LRRC8D: variants seen among roughly 807,000 people sequenced by gnomAD.
LRRC8D encodes the protein volume-regulated anion channel subunit LRRC8D.
In LRRC8D, 20 loss-of-function variants were observed where a neutral mutation model predicts 55.8. The ratio of observed to expected loss-of-function variants is 0.36; its 90% CI spans 0.25 to 0.52. The LOEUF is 0.52. LRRC8D is among the 20% of genes least tolerant of loss of function. LRRC8D has a pLI of 0.93. For missense variants in LRRC8D, 651 were observed against 1,030.8 expected (o/e 0.63, Z 5.05); for synonymous variants, 352 against 377.0 (o/e 0.93, Z 0.77).
intron 2 of LRRC8D, among the ~76,000 whole-genome samples, chr1:89,850,497 C>T (rs898845640): frequency 6.6e-6 from 1 of 152,130 alleles, no homozygotes; most frequent in Non-Finnish European, 1.5e-5. Context: ...CATTTAGCTC[C>T]CACTTATAAG....
At chr1:89,884,419 C>T (rs897789983) in intron 2 of LRRC8D, among the ~76,000 whole-genome samples, 1 of 152,190 alleles carries the variant, frequency 6.6e-6, no homozygotes, top group Non-Finnish European at 1.5e-5. Context: ...TATTCACATC[C>T]AGATATCAGA....
intron 1 of LRRC8D, chr1:89,843,411 G>C (rs545333915): frequency 3.0e-6 from 1 of 338,544 alleles, no homozygotes; most frequent in African/African-American, 2.2e-5. Flanking sequence ...GGCTGGCAGC[G>C]AGGCCACCAG....
chr1:89,934,982 T>C lies in LRRC8D; in HGVS notation c.1914T>C (p.Ala638=), dbSNP rs1286141304. 6.2e-7 allele frequency: 1 copy of C among 1,614,024 alleles called. No homozygotes were observed. The highest frequency in any genetic ancestry group is 8.5e-7 in the Non-Finnish European group (1 of 1,180,034). The change falls in exon 3 of 3, where the codon GCT becomes GCC. Residue 638 remains alanine, a synonymous_variant. Transcript: ENST00000337338. The surrounding 1 kb of genome is among the most constrained non-coding windows in gnomAD (Gnocchi z 5.9). The part of the protein sequence containing the change: ...LNSLKKMMNV[A]ELELQNCELE... ...GCCTTAAGAAAATGATGAATGTCGC[T>C]GAGCTGGAACTCCAGAACTGTGAGC...
At chr1:89,834,929 G>GCCTA (rs1249064028) in intron 1 of LRRC8D, among the ~76,000 whole-genome samples, 2 of 152,344 alleles carry the variant, frequency 1.3e-5, no homozygotes, top group African/African-American at 4.8e-5. Context: ...ATTACAGAGG[G>GCCTA]CCTAGAGTGT....
At position 89,858,381 on chromosome 1, in the gene LRRC8D, C is replaced by T. The variant is rs566255464; in HGVS notation, c.-3+14599C>T. Among the ~76,000 whole-genome samples the T allele has an allele frequency of 1.1e-3, 171 of 152,146 alleles. 1 individual carries two copies. Among genetic ancestry groups the T allele is most frequent in the African/African-American group, 3.9e-3 (163 of 41,504 alleles). ...TGATAGCTAATGTGAGGCTGTTGGTCCATCTGGATTTCAGGGAACTCACCT... is the reference window on the plus strand; with the variant it reads ...TGATAGCTAATGTGAGGCTGTTGGTTCATCTGGATTTCAGGGAACTCACCT... On this transcript the variant is annotated intron_variant, in intron 2 of 2. Coordinates refer to ENST00000337338, the MANE Select transcript of LRRC8D (RefSeq NM_001134479.2).
At chr1:89,849,708 G>T (rs531741256) in intron 2 of LRRC8D, among the ~76,000 whole-genome samples, 1 of 151,588 alleles carries the variant, frequency 6.6e-6, no homozygotes, top group Non-Finnish European at 1.5e-5. Flanking sequence ...TTTTCTGTTG[G>T]GTCTCTTGCC....
At chr1:89,843,561 C>T in intron 1 of LRRC8D, 77 bp from the exon 2 acceptor site, 1 of 690,394 alleles carries the variant, frequency 1.4e-6, no homozygotes, top group Non-Finnish European at 2.6e-6. Flanking sequence ...TGCCTCCCCG[C>T]CGCCCTGCAC....
chr1:89,889,930 G>C (rs943826574), intron 2 of LRRC8D, among the ~76,000 whole-genome samples: 2 of 152,078 alleles, frequency 1.3e-5, no homozygotes, highest in African/African-American at 4.8e-5. Flanking sequence ...GCTCATGCCT[G>C]TAATCCCAGC....
At chr1:89,827,414 T>G (rs1177346715) in intron 1 of LRRC8D, among the ~76,000 whole-genome samples, 1 of 152,082 alleles carries the variant, frequency 6.6e-6, no homozygotes, top group Admixed American at 6.5e-5. Context: ...TTCACTGTGT[T>G]TTTTCCCCCA....
chr1:89,928,952 C>G (rs1457697857), intron 2 of LRRC8D, among the ~76,000 whole-genome samples: 1 of 152,182 alleles, frequency 6.6e-6, no homozygotes, highest in African/African-American at 2.4e-5. Flanking sequence ...ATAAAATGCT[C>G]CTCTGCCCAA....
chr1:89,893,837 A>G (rs1433391790), intron 2 of LRRC8D, among the ~76,000 whole-genome samples: 1 of 152,234 alleles, frequency 6.6e-6, no homozygotes. Flanking sequence ...GAGTAATTTA[A>G]TTACCATTTT....
intron 1 of LRRC8D, among the ~76,000 whole-genome samples, chr1:89,840,218 C>T (rs1381594976): frequency 6.9e-6 from 1 of 145,462 alleles, no homozygotes; most frequent in African/African-American, 2.6e-5. Context: ...TGCACACACA[C>T]ACGTGCGCAT....
intron 2 of LRRC8D, among the ~76,000 whole-genome samples, chr1:89,876,400 C>A (rs1344257226): frequency 1.3e-5 from 2 of 152,040 alleles, no homozygotes; most frequent in Non-Finnish European, 2.9e-5. Flanking sequence ...AGATGGGGCC[C>A]AAAAATCTCT....
chr1:89,892,164 A>C (rs554335670), intron 2 of LRRC8D, among the ~76,000 whole-genome samples: 19 of 152,316 alleles, frequency 1.2e-4, no homozygotes, highest in African/African-American at 4.6e-4. Context: ...ACAATGATAA[A>C]ATGCTGGATA....
At chr1:89,932,230 A>G (rs1303036073) in intron 2 of LRRC8D, among the ~76,000 whole-genome samples, 1 of 152,170 alleles carries the variant, frequency 6.6e-6, no homozygotes, top group Admixed American at 6.5e-5. Context: ...TAGAGATCGT[A>G]TGTCTTCCTG....
intron 2 of LRRC8D, among the ~76,000 whole-genome samples, chr1:89,883,195 C>T (rs555753292): frequency 6.6e-6 from 1 of 151,928 alleles, no homozygotes; most frequent in African/African-American, 2.4e-5. Flanking sequence ...TAGTGAGACC[C>T]CCATCCCTCA....
At chr1:89,894,718 A>G (rs182876890) in intron 2 of LRRC8D, among the ~76,000 whole-genome samples, 1 of 152,358 alleles carries the variant, frequency 6.6e-6, no homozygotes, top group East Asian at 1.9e-4. Context: ...AAAATAATGT[A>G]TGCTTACTAT....
chr1:89,889,989 C>T (rs910151154), intron 2 of LRRC8D, among the ~76,000 whole-genome samples: 1 of 152,022 alleles, frequency 6.6e-6, no homozygotes, highest in Non-Finnish European at 1.5e-5. Context: ...AGATCGAGAC[C>T]ATCCTGGCTA....
chr1:89,827,691 G>A (rs1194986491), intron 1 of LRRC8D, among the ~76,000 whole-genome samples: 1 of 152,194 alleles, frequency 6.6e-6, no homozygotes, highest in Non-Finnish European at 1.5e-5. Context: ...AAGCCCAAGC[G>A]TGCTATTTTA....
Sources: gnomAD v4.1 joint callset for allele counts (sites outside exome capture counted in the v4.1 genomes callset) on GRCh38, gnomAD v4.1.1 for gene constraint, Gnocchi (gnomAD v3.1) non-coding constraint, MANE v1.5 for transcripts, NCBI Gene and HGNC (gene_info 2026-07-23, HGNC 2026-07-21) for gene names.